Variants in SLC39A10 observed in about 807,000 individuals in gnomAD.
The protein encoded by SLC39A10 is zinc transporter ZIP10.
A neutral mutation model predicts 65.1 loss-of-function variants in SLC39A10; 13 were observed. That is an observed-to-expected ratio of 0.20 (90% confidence interval 0.13 to 0.32). SLC39A10 has a LOEUF of 0.32. Among genes scored for constraint, SLC39A10 ranks in the 10% least tolerant of loss-of-function variants. SLC39A10 has a pLI of 1.00. For missense variants in SLC39A10, 831 were observed against 1,018.4 expected, an observed-to-expected ratio of 0.82 and a Z score of 2.50; for synonymous variants, 321 against 342.2, an observed-to-expected ratio of 0.94 and a Z score of 0.68.
chr2:195,734,448 C>T (rs1401547097), intron 9 of SLC39A10, among the ~76,000 whole-genome samples: 1 of 152,126 alleles, frequency 6.6e-6, no homozygotes, highest in Non-Finnish European at 1.5e-5. Flanking sequence ...GGGCGTGAGC[C>T]ACCGTGCCCG....
Position 195,716,786 on chromosome 2 carries a change from A to T in SLC39A10, c.1846A>T (p.Ile616Phe). 1 of 1,614,180 alleles carries T rather than the reference A, an allele frequency of 6.2e-7. No individual in the cohort carries two copies. The highest frequency in any genetic ancestry group is 1.3e-5 in the African/African-American group (1 of 75,048). ...TTCTCACAGTGATGGATTACATACC[A>T]TTCATGAGCATGATCTCCATGCTGC... The part of the protein sequence containing the change: ...DHSHSDGLHT[I>F]HEHDLHAAAH... The change falls in exon 7 of 10, where the codon ATT becomes TTT. Residue 616 changes from isoleucine to phenylalanine, a missense_variant. Around this residue, in one of 4 missense-constraint regions of SLC39A10, gnomAD observed 230 missense variants for 242.9 expected, o/e 0.95. Coordinates refer to ENST00000359634, the MANE Select transcript of SLC39A10 (RefSeq NM_020342.3).
intron 1 of SLC39A10, among the ~76,000 whole-genome samples, chr2:195,661,270 A>G (rs1003105837): frequency 6.6e-6 from 1 of 152,154 alleles, no homozygotes; most frequent in South Asian, 2.1e-4. Flanking sequence ...TATAAGTTCT[A>G]TGGATAGGCC....
At chr2:195,662,839 A>G (rs559854687) in intron 1 of SLC39A10, among the ~76,000 whole-genome samples, 2 of 152,210 alleles carry the variant, frequency 1.3e-5, no homozygotes, top group African/African-American at 2.4e-5. Context: ...TGTATTGTCT[A>G]TAGCTGCTCT....
intron 2 of SLC39A10, among the ~76,000 whole-genome samples, chr2:195,647,553 A>G (rs186809646): frequency 9.9e-4 from 150 of 152,064 alleles, no homozygotes; most frequent in African/African-American, 3.3e-3. Flanking sequence ...CTACTCATCC[A>G]TAAGTCAGAC....
rs1323954893 is a variant in SLC39A10 at position 195,737,316 on chromosome 2, T to C, written c.*2275T>C. On this transcript the variant is annotated 3_prime_UTR_variant, in exon 10 of 10. Coordinates refer to ENST00000359634, the MANE Select transcript of SLC39A10 (RefSeq NM_020342.3). ...TGTGTTTGTTGGAGGTCATTAACGT[T>C]ACTTGTACAATGCTGTCACTGTGTG... The C allele has an allele frequency of 6.5e-6, 1 of 152,962 alleles. No homozygotes were observed. The highest frequency in any genetic ancestry group is 1.5e-5 in the Non-Finnish European group (1 of 68,306). 9.5% of individuals were successfully genotyped at this position (152,962 alleles called of 1,614,324 possible).
At chr2:195,734,849 A>G in intron 9 of SLC39A10, 34 bp from the exon 10 acceptor site, 2 of 1,566,650 alleles carry the variant, frequency 1.3e-6, no homozygotes. Context: ...CAGAAGTATT[A>G]TACAAAGTTT....
chr2:195,643,173 TAG>T (rs1284706142), intron 2 of SLC39A10, among the ~76,000 whole-genome samples: 8 of 152,106 alleles, frequency 5.3e-5, no homozygotes, highest in Non-Finnish European at 2.9e-5. Flanking sequence ...AGAAAGTAAA[TAG>T]AGTACCAGTT....
At position 195,735,800 on chromosome 2, in the gene SLC39A10, T is replaced by A. The variant is rs1377733082; in HGVS notation, c.*759T>A. 1 of 121,842 alleles carries A rather than the reference T, an allele frequency of 8.2e-6. No homozygotes were observed. Among genetic ancestry groups the A allele is most frequent in the Non-Finnish European group, 1.7e-5 (1 of 57,524 alleles). 7.5% of individuals were successfully genotyped at this position (121,842 alleles called of 1,614,324 possible). On this transcript the variant is annotated 3_prime_UTR_variant, in exon 10 of 10. Transcript: ENST00000359634. ...TGTTTTGTTTTTTACTTTAATTTTG[T>A]TTTGATTTTTTTTTTTTTTTTTTGG... is the stretch of plus-strand genomic sequence containing the variant.
At chr2:195,658,778 C>T (rs893664730) in intron 1 of SLC39A10, among the ~76,000 whole-genome samples, 1 of 151,718 alleles carries the variant, frequency 6.6e-6, no homozygotes, top group Non-Finnish European at 1.5e-5. Context: ...ATTCTGCAGA[C>T]ACTGGTTACT....
chr2:195,677,749 A>ATTTTT (rs58648222), intron 1 of SLC39A10, among the ~76,000 whole-genome samples: 1 of 119,058 alleles, frequency 8.4e-6, no homozygotes, highest in Non-Finnish European at 1.7e-5. Context: ...CTTTTATCAG[A>ATTTTT]TTTTTTTTTT....
chr2:195,673,904 T>G (rs574800760), intron 1 of SLC39A10, among the ~76,000 whole-genome samples: 1 of 152,342 alleles, frequency 6.6e-6, no homozygotes, highest in African/African-American at 2.4e-5. Flanking sequence ...TTCCCTTTTT[T>G]AAAGAAATAA....
At chr2:195,673,459 A>G (rs1388839502) in intron 1 of SLC39A10, among the ~76,000 whole-genome samples, 1 of 152,212 alleles carries the variant, frequency 6.6e-6, no homozygotes, top group Non-Finnish European at 1.5e-5. Context: ...TGCCCAGCCC[A>G]AAGTATCATT....
intron 5 of SLC39A10, among the ~76,000 whole-genome samples, chr2:195,711,437 C>T (rs1691598521): frequency 6.6e-6 from 1 of 152,142 alleles, no homozygotes; most frequent in South Asian, 2.1e-4. Context: ...ACTGGAAGAA[C>T]ACCTTGGATG....
intron 2 of SLC39A10, among the ~76,000 whole-genome samples, chr2:195,645,986 A>G (rs1688906439): frequency 6.6e-6 from 1 of 152,080 alleles, no homozygotes; most frequent in South Asian, 2.1e-4. Context: ...TCTGTGTCAA[A>G]AAAAAGGCTG....
At chr2:195,632,554 T>G (rs1307282348) in intron 2 of SLC39A10, among the ~76,000 whole-genome samples, 3 of 151,838 alleles carry the variant, frequency 2.0e-5, no homozygotes, top group Admixed American at 6.6e-5. Flanking sequence ...GTGATCCACC[T>G]GCCTTGGCCT....
At chr2:195,708,937 G>T in intron 5 of SLC39A10, 93 bp downstream of exon 5, 3 of 918,140 alleles carry the variant, frequency 3.3e-6, no homozygotes, top group Non-Finnish European at 4.8e-6. Context: ...TTATGATGTT[G>T]GTGTGTATTA....
At chr2:195,633,185 C>A (rs529528405) in intron 2 of SLC39A10, among the ~76,000 whole-genome samples, 3 of 152,366 alleles carry the variant, frequency 2.0e-5, no homozygotes, top group South Asian at 4.1e-4. Context: ...CTGACCCCTT[C>A]ATGGGCAGGA....
chr2:195,632,791 T>C (rs1346612164), intron 2 of SLC39A10, among the ~76,000 whole-genome samples: 4 of 152,262 alleles, frequency 2.6e-5, no homozygotes, highest in Non-Finnish European at 5.9e-5. Flanking sequence ...TGGTAATTTC[T>C]ACTCATTTCA....
At chr2:195,660,580 C>A (rs977029007) in intron 1 of SLC39A10, among the ~76,000 whole-genome samples, 2 of 152,024 alleles carry the variant, frequency 1.3e-5, no homozygotes, top group Admixed American at 1.3e-4. Flanking sequence ...TTTTAGTTTC[C>A]TCTGGGTAGT....
Sources: allele counts gnomAD v4.1 joint callset (sites outside exome capture counted in the v4.1 genomes callset), GRCh38; gene constraint gnomAD v4.1.1; regional missense constraint gnomAD v4.1.1; transcripts MANE v1.5; gene names NCBI Gene and HGNC (gene_info 2026-07-23, HGNC 2026-07-21).